The following KLRG1 variants were observed in gnomAD, a reference collection of about 807,000 sequenced individuals.
KLRG1 encodes the protein killer cell lectin like receptor G1, also known as killer cell lectin-like receptor subfamily G member 1.
KLRG1 carries 16 observed loss-of-function variants against 21.8 expected under a neutral mutation model. That is an observed-to-expected ratio of 0.73 (90% CI 0.50 to 1.11). The LOEUF is 1.11. Ranked by LOEUF, KLRG1 falls within the 50% of genes most tolerant of loss-of-function variation. The pLI is 0.00. For missense variants in KLRG1, 173 were observed against 218.3 expected, an observed-to-expected ratio of 0.79 and a Z score of 1.31; for synonymous variants, 69 against 75.9, an observed-to-expected ratio of 0.91 and a Z score of 0.47.
At chr12:9,124,034 T>C in the KLRG1 span, among the ~76,000 whole-genome samples, 1 of 152,230 alleles carries the variant, frequency 6.6e-6, no homozygotes, top group African/African-American at 2.4e-5. Flanking sequence ...ACACATTCTT[T>C]GAGGCTGGAG....
the KLRG1 span, among the ~76,000 whole-genome samples, chr12:9,134,201 C>T: frequency 6.6e-6 from 1 of 152,124 alleles, no homozygotes; most frequent in African/African-American, 2.4e-5. Flanking sequence ...GACTACAGAA[C>T]CCATGGTGTT....
At chr12:9,177,367 G>C in the KLRG1 span, among the ~76,000 whole-genome samples, 1 of 152,212 alleles carries the variant, frequency 6.6e-6, no homozygotes, top group South Asian at 2.1e-4. Context: ...CTTGGAAGCA[G>C]ATCTTCCAAC....
At chr12:9,107,406 G>A in the KLRG1 span, 2 of 1,242,090 alleles carry the variant, frequency 1.6e-6, no homozygotes, top group Non-Finnish European at 2.2e-6. Context: ...AATTACAATA[G>A]CCAACATGGA....
At chr12:9,005,061 A>G (rs1947427959) in intron 3 of KLRG1, among the ~76,000 whole-genome samples, 1 of 152,190 alleles carries the variant, frequency 6.6e-6, no homozygotes, top group African/African-American at 2.4e-5. Flanking sequence ...ATCAACCAAA[A>G]TGTTCAACAA....
intron 3 of KLRG1, among the ~76,000 whole-genome samples, chr12:9,006,881 T>C (rs1314441622): frequency 2.6e-5 from 4 of 152,238 alleles, no homozygotes; most frequent in Admixed American, 2.6e-4. Flanking sequence ...GAATTTTGTT[T>C]CTGCTTTGTT....
At chr12:9,004,802 T>A (rs1231653894) in intron 3 of KLRG1, among the ~76,000 whole-genome samples, 3 of 151,752 alleles carry the variant, frequency 2.0e-5, no homozygotes, top group Admixed American at 6.6e-5. Flanking sequence ...AGTATAATTT[T>A]ATATATTTTT....
the KLRG1 span, chr12:9,148,902 A>G: frequency 1.5e-6 from 2 of 1,369,686 alleles, no homozygotes; most frequent in Non-Finnish European, 2.1e-6. Flanking sequence ...TATAGAGACA[A>G]ATAACTCCAT....
the KLRG1 span, among the ~76,000 whole-genome samples, chr12:9,177,754 C>T: frequency 3.3e-5 from 5 of 152,218 alleles, no homozygotes; most frequent in Non-Finnish European, 7.3e-5. Flanking sequence ...ATAGTTTCTT[C>T]TCACTTCCAC....
At chr12:8,957,667 G>C (rs867279667) in intron 1 of KLRG1, among the ~76,000 whole-genome samples, 4 of 152,132 alleles carry the variant, frequency 2.6e-5, no homozygotes, top group African/African-American at 9.7e-5. Context: ...CCATTATTAA[G>C]TAAAATAAGA....
chr12:9,153,455 G>T, the KLRG1 span: 1 of 743,094 alleles, frequency 1.3e-6, no homozygotes, highest in Non-Finnish European at 2.2e-6. Flanking sequence ...TTACCCCTAA[G>T]GTAGATCTTC....
At chr12:9,160,138 G>A in the KLRG1 span, 1 of 1,182,110 alleles carries the variant, frequency 8.5e-7, no homozygotes, top group Non-Finnish European at 1.2e-6. Context: ...TCTGTGATCT[G>A]CCATAGTTTT....
chr12:9,082,066 A>G, the KLRG1 span, among the ~76,000 whole-genome samples: 1 of 152,078 alleles, frequency 6.6e-6, no homozygotes, highest in Non-Finnish European at 1.5e-5. Context: ...AGCAGACACC[A>G]CCTCTGTGTA....
chr12:9,117,471 C>A, the KLRG1 span, among the ~76,000 whole-genome samples: 1 of 152,090 alleles, frequency 6.6e-6, no homozygotes, highest in Non-Finnish European at 1.5e-5. Context: ...TTATAGTGCT[C>A]AGTGAATATA....
the KLRG1 span, among the ~76,000 whole-genome samples, chr12:9,133,055 GT>G: frequency 1.3e-5 from 2 of 150,846 alleles, no homozygotes; most frequent in East Asian, 1.9e-4. Context: ...AAAGGTGTGG[GT>G]TTTTTTTTCA....
the KLRG1 span, chr12:9,109,994 C>G: frequency 6.2e-7 from 1 of 1,613,654 alleles, no homozygotes; most frequent in Non-Finnish European, 8.5e-7. Context: ...CACCCTCTAA[C>G]TGGAAACTCT....
At chr12:9,153,446 T>C in the KLRG1 span, 1 of 856,086 alleles carries the variant, frequency 1.2e-6, no homozygotes, top group Non-Finnish European at 1.8e-6. Context: ...GCTGGCTTTT[T>C]ACCCCTAAGG....
the KLRG1 span, among the ~76,000 whole-genome samples, chr12:9,083,230 G>A: frequency 2.0e-5 from 3 of 152,164 alleles, no homozygotes; most frequent in Non-Finnish European, 4.4e-5. Context: ...TCACACACCG[G>A]GGCCTGTTGT....
chr12:9,166,731 T>A, the KLRG1 span, among the ~76,000 whole-genome samples: 1 of 152,232 alleles, frequency 6.6e-6, no homozygotes, highest in African/African-American at 2.4e-5. Flanking sequence ...AGCATTAGAT[T>A]TTATTCCACT....
chr12:8,964,733 A>C (rs1432078735), intron 1 of KLRG1, among the ~76,000 whole-genome samples: 1 of 150,708 alleles, frequency 6.6e-6, no homozygotes, highest in Non-Finnish European at 1.5e-5. Flanking sequence ...TATTGGGTGC[A>C]TATATATTTA....
Sources: gnomAD v4.1 joint callset for allele counts (sites outside exome capture counted in the v4.1 genomes callset) on GRCh38, gnomAD v4.1.1 for gene constraint, MANE v1.5 for transcripts, NCBI Gene and HGNC (gene_info 2026-07-23, HGNC 2026-07-21) for gene names.